The following HIP1 variants were observed in gnomAD, a reference collection of about 807,000 sequenced individuals.
The protein encoded by HIP1 is huntingtin-interacting protein 1.
HIP1 carries 65 observed loss-of-function variants against 147.6 expected under a neutral mutation model. The observed-to-expected ratio is 0.44, with a 90% CI of 0.36 to 0.54. The LOEUF is 0.54. Ranked by LOEUF, HIP1 falls within the 20% of genes least tolerant of loss-of-function variation. The pLI is 0.00. For synonymous variants in HIP1, 479 were observed against 504.0 expected (o/e 0.95, Z 0.67); for missense variants, 1,061 against 1,299.6 (o/e 0.82, Z 2.82).
chr7:75,687,686 C>T (rs782159656), intron 1 of HIP1, among the ~76,000 whole-genome samples: 10 of 152,132 alleles, frequency 6.6e-5, no homozygotes, highest in African/African-American at 1.7e-4. Context: ...AGCGGAACTC[C>T]GTCTCAAACA....
rs1407955465 is a variant in HIP1 at position 75,562,946 on chromosome 7, C to T, written c.1009G>A (p.Ala337Thr). 3.1e-6 allele frequency: 5 copies of T among 1,614,192 alleles called. No individual in the cohort carries two copies. The highest frequency in any genetic ancestry group is 4.2e-6 in the Non-Finnish European group (5 of 1,180,030). The change falls in exon 11 of 31, where the codon GCC becomes ACC. Residue 337 changes from alanine to threonine, a missense_variant. Physicochemically the swap from Ala to Thr is moderately conservative, Grantham distance 58. Coordinates refer to ENST00000336926, the MANE Select transcript of HIP1 (RefSeq NM_005338.7). ...CAAGTGGTCCTCACCTGCTGAGAGG[C>T]ATCCATGTCCATGAGGTCATCCTTC... ...LEKDDLMDMD[A>T]SQQNLFDNKF...
In HIP1 at chr7:75,726,005, G is replaced by A. The variant is rs112463721; in HGVS notation, c.120+12796C>T. On this transcript the variant is annotated intron_variant, in intron 1 of 30. Transcript: ENST00000336926. ...CCAGTTTTTGTTTGTTTGTTTGTTC[G>A]TTTGTTTGTTTGTAGTTTAGCTGAG... Among the ~76,000 whole-genome samples the A allele has an allele frequency of 1.4e-4, 21 of 151,584 alleles. No individual in the cohort carries two copies. In the South Asian group the frequency reaches 1.7e-3, roughly 12 times the overall value.
chr7:75,538,083 C>G lies in HIP1; in HGVS notation c.*89G>C, dbSNP rs756756105. ...GGCAGTGGTGTGGCTGCCCCTGGGACTCCAAGGATTTGGCCTGTGGCTGGG... is the reference window on the plus strand; with the variant it reads ...GGCAGTGGTGTGGCTGCCCCTGGGAGTCCAAGGATTTGGCCTGTGGCTGGG... On this transcript the variant is annotated 3_prime_UTR_variant, in exon 31 of 31. Coordinates refer to ENST00000336926, the MANE Select transcript of HIP1 (RefSeq NM_005338.7). 1.4e-4 allele frequency: 146 copies of G among 1,072,864 alleles called. No individual in the cohort carries two copies. The highest frequency in any genetic ancestry group is 1.8e-4 in the Non-Finnish European group (127 of 686,940). The allele number at this position is 1,072,864 out of a possible 1,614,324, so 66.5% of individuals were successfully genotyped here.
intron 1 of HIP1, chr7:75,611,857 A>AGGAAGGGC: frequency 9.8e-7 from 1 of 1,021,948 alleles, no homozygotes. Context: ...CAGGCACCGC[A>AGGAAGGGC]GGAAGGGCGC....
intron 1 of HIP1, among the ~76,000 whole-genome samples, chr7:75,678,212 T>C (rs185271348): frequency 3.9e-5 from 6 of 152,282 alleles, no homozygotes; most frequent in Non-Finnish European, 8.8e-5. Flanking sequence ...GATGAATTTG[T>C]GTTCTGTCAG....
chr7:75,693,711 C>CA (rs545825795), intron 1 of HIP1, among the ~76,000 whole-genome samples: 308 of 111,556 alleles, frequency 2.8e-3, no homozygotes, highest in Admixed American at 4.8e-3. Flanking sequence ...CTCGTCTCTA[C>CA]AAAAAATACA....
chr7:75,551,919 C>T (rs1291056930), intron 22 of HIP1, among the ~76,000 whole-genome samples: 2 of 151,976 alleles, frequency 1.3e-5, no homozygotes, highest in Non-Finnish European at 2.9e-5. Context: ...AGTGGAGTTT[C>T]GCTCCTGTTG....
chr7:75,643,088 G>A (rs569633379), intron 1 of HIP1, among the ~76,000 whole-genome samples: 1 of 152,328 alleles, frequency 6.6e-6, no homozygotes, highest in South Asian at 2.1e-4. Context: ...GGTGAGTCGA[G>A]ATTCTGCAGC....
rs368069324 is a variant in HIP1, at chr7:75,660,126, A to G, written c.121-60879T>C. On this transcript the variant is annotated intron_variant, in intron 1 of 30. Coordinates refer to ENST00000336926, the MANE Select transcript of HIP1 (RefSeq NM_005338.7). ...GGCAACAGAGCAAGACTCCGTCTCA[A>G]AAAACAAAACAAAACACACAAAAAA... Among the ~76,000 whole-genome samples, 9 of 151,996 alleles carry G rather than the reference A, an allele frequency of 5.9e-5. No homozygotes were observed. The East Asian group carries it at 1.2e-3, about 20-fold the overall frequency.
intron 1 of HIP1, among the ~76,000 whole-genome samples, chr7:75,685,830 T>C (rs368638747): frequency 2.7e-4 from 41 of 152,270 alleles, no homozygotes; most frequent in Non-Finnish European, 4.1e-4. Flanking sequence ...ATTACAGGCA[T>C]GAGCCACTGC....
In HIP1 at chr7:75,574,232, G is replaced by T. The variant is rs1488255227; in HGVS notation, c.605-331C>A. On this transcript the variant is annotated intron_variant, in intron 7 of 30. Coordinates refer to ENST00000336926, the MANE Select transcript of HIP1 (RefSeq NM_005338.7). ...CGCTTGAACCCGAGAGGCAGAGGTTGCAGTGAGCCAAGATCATGCTATTGC... is the reference window on the plus strand; with the variant it reads ...CGCTTGAACCCGAGAGGCAGAGGTTTCAGTGAGCCAAGATCATGCTATTGC... 2.6e-5 allele frequency among the ~76,000 whole-genome samples: 4 copies of T among 151,606 alleles called. No individual in the cohort carries two copies. In the East Asian group the frequency reaches 7.8e-4, roughly 29 times the overall value.
chr7:75,547,001 C>T lies in HIP1; in HGVS notation c.2497G>A (p.Ala833Thr). The change falls in exon 25 of 31, where the codon GCT (alanine) becomes ACT (threonine). Residue 833 changes from alanine (A) to threonine (T), a missense_variant. Physicochemically the swap from Ala to Thr is moderately conservative, Grantham distance 58 (BLOSUM62 0). Coordinates refer to ENST00000336926, the MANE Select transcript of HIP1 (RefSeq NM_005338.7). ...GAGGCCACGATGAGCACCTGAATAGCTTGCATGAGGCTGGTACAGCAACCA... is the reference window on the plus strand; with the variant it reads ...GAGGCCACGATGAGCACCTGAATAGTTTGCATGAGGCTGGTACAGCAACCA... ...ILGCCTSLMQ[A>T]IQVLIVASKD... is the part of the protein sequence containing the mutation. 1.3e-6 allele frequency: 2 copies of T among 1,588,440 alleles called. No individual in the cohort carries two copies. Among genetic ancestry groups the T allele is most frequent in the Non-Finnish European group, 1.7e-6 (2 of 1,166,476 alleles).
At chr7:75,721,373 A>T (rs1554521349) in intron 1 of HIP1, among the ~76,000 whole-genome samples, 1 of 149,058 alleles carries the variant, frequency 6.7e-6, no homozygotes, top group African/African-American at 2.5e-5. Flanking sequence ...GACTCTATCT[A>T]AAAAAAAAAT....
intron 28 of HIP1, 37 bp from the exon 29 acceptor site, chr7:75,542,017 T>A (rs782523818): frequency 1.6e-5 from 25 of 1,578,152 alleles, no homozygotes; most frequent in Non-Finnish European, 2.0e-5. Context: ...CATCAAATTC[T>A]ACCCTGGCTG....
Position 75,535,568 on chromosome 7 carries a change from C to T in HIP1, c.*2604G>A, listed in dbSNP as rs1554488409. 5.5e-6 allele frequency: 1 copy of T among 181,220 alleles called. No homozygotes were observed. The highest frequency in any genetic ancestry group is 2.4e-5 in the African/African-American group (1 of 42,398). The allele number at this position is 181,220 out of a possible 1,614,324, so 11.2% of individuals were successfully genotyped here. On this transcript the variant is annotated 3_prime_UTR_variant, in exon 31 of 31. Coordinates refer to ENST00000336926, the MANE Select transcript of HIP1 (RefSeq NM_005338.7). ...AGAGATGAGGTCTTGCTATGATGCC[C>T]AGCCTGGTCTCAAACTCCTGAGCTC...
At chr7:75,720,355 T>C (rs1381375467) in intron 1 of HIP1, among the ~76,000 whole-genome samples, 1 of 151,970 alleles carries the variant, frequency 6.6e-6, no homozygotes, top group Non-Finnish European at 1.5e-5. Context: ...GAGATGGGGT[T>C]TCACCGTGTT....
rs587732648 is a variant in HIP1 at position 75,584,183 on chromosome 7, T to C, written c.466-2032A>G. ...TTCACCATGTTGCCCAGGCTGGTCT[T>C]GAACTCCTGACCTCAGGTGATCCAC... On this transcript the variant is annotated intron_variant, in intron 5 of 30. Transcript: ENST00000336926. Among the ~76,000 whole-genome samples, 7 of 151,394 alleles carry C rather than the reference T, an allele frequency of 4.6e-5. No individual in the cohort carries two copies. The East Asian group carries it at 1.2e-3, about 25-fold the overall frequency.
chr7:75,669,750 CATA>C (rs1237569996), intron 1 of HIP1, among the ~76,000 whole-genome samples: 2 of 152,154 alleles, frequency 1.3e-5, no homozygotes, highest in African/African-American at 4.8e-5. Flanking sequence ...CTTCACTTAG[CATA>C]ATGTTTTCAA....
At chr7:75,610,666 G>A (rs1179641) in intron 1 of HIP1, among the ~76,000 whole-genome samples, 27,233 of 151,326 alleles carry the variant, frequency 0.18, 4,707 homozygotes, top group African/African-American at 0.45. Flanking sequence ...AAGTCCATAA[G>A]TCATCAGGAC....
Sources: gnomAD v4.1 joint callset for allele counts (sites outside exome capture counted in the v4.1 genomes callset) on GRCh38, gnomAD v4.1.1 for gene constraint, MANE v1.5 for transcripts, NCBI Gene and HGNC (gene_info 2026-07-23, HGNC 2026-07-21) for gene names.